The following NKAIN2 variants were observed in gnomAD, a reference collection of about 807,000 sequenced individuals.
NKAIN2 encodes the protein sodium/potassium-transporting ATPase subunit beta-1-interacting protein 2.
In NKAIN2, 14 loss-of-function variants were observed where a neutral mutation model predicts 32.6. That is an observed-to-expected ratio of 0.43 (90% CI 0.28 to 0.67). The LOEUF (loss-of-function observed/expected upper bound fraction) is 0.67. Ranked by LOEUF, NKAIN2 falls within the 30% of genes least tolerant of loss-of-function variation. The pLI, the probability that NKAIN2 is intolerant of heterozygous loss-of-function variation, is 0.17. For synonymous variants in NKAIN2, 80 were observed against 87.2 expected (o/e 0.92, Z 0.46); for missense variants, 198 against 258.3 (o/e 0.77, Z 1.60).
At chr6:124,548,673 A>G (rs566719057) in intron 3 of NKAIN2, among the ~76,000 whole-genome samples, 1 of 152,344 alleles carries the variant, frequency 6.6e-6, no homozygotes, top group African/African-American at 2.4e-5. Flanking sequence ...TACAGAGAAA[A>G]GAAGACAGTC....
intron 1 of NKAIN2, among the ~76,000 whole-genome samples, chr6:124,178,725 C>G (rs1325542131): frequency 1.3e-5 from 2 of 152,160 alleles, no homozygotes; most frequent in African/African-American, 4.8e-5. Context: ...GGTGACAGAG[C>G]TATTCTTTTA....
At chr6:124,252,816 C>G (rs1455855914) in intron 1 of NKAIN2, among the ~76,000 whole-genome samples, 1 of 152,008 alleles carries the variant, frequency 6.6e-6, no homozygotes, top group Non-Finnish European at 1.5e-5. Context: ...GCCTCAGTAT[C>G]CTTATCTCTA....
intron 1 of NKAIN2, among the ~76,000 whole-genome samples, chr6:123,994,478 T>C (rs1157423334): frequency 2.0e-5 from 3 of 152,094 alleles, no homozygotes; most frequent in Non-Finnish European, 4.4e-5. Flanking sequence ...CACTTTATCA[T>C]AGGTCATGTG....
chr6:124,676,543 CT>C (rs968609686), intron 4 of NKAIN2, among the ~76,000 whole-genome samples: 2 of 152,058 alleles, frequency 1.3e-5, no homozygotes, highest in Non-Finnish European at 2.9e-5. Flanking sequence ...TTATATCTTC[CT>C]CATGAGTTCA....
In NKAIN2 at chr6:124,506,600, G is replaced by A. The variant is rs551259338; in HGVS notation, c.273+151253G>A. 1.4e-4 allele frequency among the ~76,000 whole-genome samples: 21 copies of A among 152,248 alleles called. No individual in the cohort carries two copies. The East Asian group carries it at 3.9e-3, about 28-fold the overall frequency. ...GTTTAAGAGTGTTTTTAGGACAATT[G>A]CAAGTGGAAACTTTCCCAGGGCAAA... On this transcript the variant is annotated intron_variant, in intron 3 of 6. Coordinates refer to ENST00000368417, the MANE Select transcript of NKAIN2 (RefSeq NM_001040214.3).
chr6:123,991,580 T>G (rs556668599), intron 1 of NKAIN2, among the ~76,000 whole-genome samples: 1 of 152,258 alleles, frequency 6.6e-6, no homozygotes, highest in East Asian at 1.9e-4. Context: ...AAAATATTTT[T>G]GGCTGGGCAC....
intron 1 of NKAIN2, among the ~76,000 whole-genome samples, chr6:124,202,257 G>A (rs924849618): frequency 7.2e-5 from 11 of 151,918 alleles, no homozygotes; most frequent in African/African-American, 2.2e-4. Flanking sequence ...ACTTTATTCT[G>A]TAAGTCCCAC....
chr6:124,271,749 C>T (rs1252795942), intron 1 of NKAIN2, among the ~76,000 whole-genome samples: 2 of 152,078 alleles, frequency 1.3e-5, no homozygotes, highest in African/African-American at 4.8e-5. Context: ...TGGTTTTGAC[C>T]AAAATGCTGA....
chr6:124,317,795 A>G (rs773579732), intron 2 of NKAIN2, among the ~76,000 whole-genome samples: 1 of 152,108 alleles, frequency 6.6e-6, no homozygotes, highest in Admixed American at 6.6e-5. Flanking sequence ...ATCTTGTGAA[A>G]CTTTTAGTTG....
intron 1 of NKAIN2, among the ~76,000 whole-genome samples, chr6:123,813,377 C>T (rs916177797): frequency 2.0e-5 from 3 of 152,168 alleles, no homozygotes; most frequent in African/African-American, 7.2e-5. Context: ...AGCTAGCGAT[C>T]AGGTACCCTA....
intron 1 of NKAIN2, among the ~76,000 whole-genome samples, chr6:124,255,295 G>A (rs1793875498): frequency 6.6e-6 from 1 of 152,164 alleles, no homozygotes; most frequent in South Asian, 2.1e-4. Flanking sequence ...GTATATTTGG[G>A]AAATGGTGAA....
chr6:124,005,284 T>A (rs530448159), intron 1 of NKAIN2, among the ~76,000 whole-genome samples: 1 of 152,136 alleles, frequency 6.6e-6, no homozygotes, highest in Non-Finnish European at 1.5e-5. Context: ...CCAATTCTTA[T>A]GTAATTCAAA....
chr6:124,393,111 G>A (rs923191011), intron 3 of NKAIN2, among the ~76,000 whole-genome samples: 4 of 152,106 alleles, frequency 2.6e-5, no homozygotes, highest in Non-Finnish European at 4.4e-5. Flanking sequence ...AGTTATAGTT[G>A]GAGACAGCTG....
chr6:124,399,493 C>G (rs1266745016), intron 3 of NKAIN2, among the ~76,000 whole-genome samples: 2 of 152,168 alleles, frequency 1.3e-5, no homozygotes, highest in Non-Finnish European at 2.9e-5. Flanking sequence ...ACTCATAGAG[C>G]CTTTTTGTGA....
At chr6:123,983,648 C>A (rs558668139) in intron 1 of NKAIN2, among the ~76,000 whole-genome samples, 4 of 152,224 alleles carry the variant, frequency 2.6e-5, no homozygotes, top group Admixed American at 2.0e-4. Context: ...ACTACCCCCC[C>A]ACCTCTTGTC....
chr6:124,339,255 G>A (rs749415267), intron 2 of NKAIN2, among the ~76,000 whole-genome samples: 1 of 152,132 alleles, frequency 6.6e-6, no homozygotes, highest in Non-Finnish European at 1.5e-5. Context: ...TGAGGCAGGA[G>A]AATCGCTTGA....
chr6:124,331,709 C>T (rs73770411), intron 2 of NKAIN2, among the ~76,000 whole-genome samples: 6,084 of 152,100 alleles, frequency 0.04, 217 homozygotes, highest in African/African-American at 0.092. Context: ...CTGAGACTTA[C>T]GTTCTATAGA....
chr6:124,553,368 C>T (rs914216860), intron 3 of NKAIN2, among the ~76,000 whole-genome samples: 1 of 152,288 alleles, frequency 6.6e-6, no homozygotes, highest in African/African-American at 2.4e-5. Flanking sequence ...AGTGCAATGG[C>T]ACAATCTCAG....
rs116280377 is a variant in NKAIN2 at position 124,209,866 on chromosome 6, G to T, written c.55-73139G>T. On this transcript the variant is annotated intron_variant, in intron 1 of 6. Transcript: ENST00000368417. ...GTGGTTATTATTACCTTGTCAGATG[G>T]GTAGTTGCAAATATTTTCTCCCCTT... is the stretch of plus-strand genomic sequence containing the variant. Among the ~76,000 whole-genome samples, 172 of 151,770 alleles carry T rather than the reference G, an allele frequency of 1.1e-3. 1 individual carries two copies. Among genetic ancestry groups the T allele is most frequent in the African/African-American group, 2.8e-3 (116 of 41,454 alleles).
Sources: allele counts gnomAD v4.1 joint callset (sites outside exome capture counted in the v4.1 genomes callset), GRCh38; gene constraint gnomAD v4.1.1; transcripts MANE v1.5; gene names NCBI Gene and HGNC (gene_info 2026-07-23, HGNC 2026-07-21).